HIVEP1: variants seen among roughly 807,000 people sequenced by gnomAD.
HIVEP1 encodes zinc finger protein 40.
HIVEP1 carries 36 observed loss-of-function variants against 180.0 expected under a neutral mutation model. The observed-to-expected ratio is 0.20, with a 90% CI of 0.15 to 0.26. The LOEUF (loss-of-function observed/expected upper bound fraction) is 0.26. Among genes scored for constraint, HIVEP1 ranks in the 10% least tolerant of loss-of-function variants. HIVEP1 has a pLI of 1.00. For missense variants in HIVEP1, 3,143 were observed against 3,268.7 expected (o/e 0.96, Z 0.94); for synonymous variants, 1,239 against 1,239.0 (o/e 1.00, Z 0.00).
chr6:12,152,049 G>A (rs569635020), intron 7 of HIVEP1, among the ~76,000 whole-genome samples: 6 of 152,204 alleles, frequency 3.9e-5, no homozygotes, highest in South Asian at 2.1e-4. Flanking sequence ...CCAGCTACTC[G>A]GGAGGCTGAA....
At chr6:12,115,092 A>G (rs1346943080) in intron 3 of HIVEP1, among the ~76,000 whole-genome samples, 3 of 152,150 alleles carry the variant, frequency 2.0e-5, no homozygotes, top group Admixed American at 2.0e-4. Flanking sequence ...CATCCCTACT[A>G]CTTACCATAA....
chr6:12,021,789 C>T (rs967986516), intron 2 of HIVEP1, among the ~76,000 whole-genome samples: 23 of 152,092 alleles, frequency 1.5e-4, no homozygotes, highest in Non-Finnish European at 3.2e-4. Flanking sequence ...CCTCAGCCTC[C>T]GGAGTAGCTG....
chr6:12,207,342 T>C, the HIVEP1 span, among the ~76,000 whole-genome samples: 1 of 152,246 alleles, frequency 6.6e-6, no homozygotes, highest in South Asian at 2.1e-4. Context: ...ATTCATTTTT[T>C]AAATGTTTGT....
chr6:12,182,170 A>G, the HIVEP1 span, among the ~76,000 whole-genome samples: 1 of 152,240 alleles, frequency 6.6e-6, no homozygotes, highest in Non-Finnish European at 1.5e-5. Context: ...AAAAGAATTG[A>G]AGATGCCAAC....
intron 2 of HIVEP1, among the ~76,000 whole-genome samples, chr6:12,066,903 T>C (rs992262274): frequency 9.2e-5 from 14 of 151,886 alleles, no homozygotes; most frequent in Non-Finnish European, 1.8e-4. Flanking sequence ...TACACACACA[T>C]ACACTTTATT....
intron 2 of HIVEP1, among the ~76,000 whole-genome samples, chr6:12,032,589 C>A (rs931258445): frequency 6.6e-5 from 10 of 152,154 alleles, no homozygotes; most frequent in African/African-American, 2.4e-4. Context: ...GTTACTTAAT[C>A]TCTCTGAACC....
chr6:12,145,232 G>A (rs1220165209), intron 7 of HIVEP1, among the ~76,000 whole-genome samples: 1 of 152,088 alleles, frequency 6.6e-6, no homozygotes, highest in African/African-American at 2.4e-5. Context: ...CTTGGATGCA[G>A]CTGGAAATCA....
intron 2 of HIVEP1, among the ~76,000 whole-genome samples, chr6:12,026,048 A>G (rs1306557325): frequency 1.3e-5 from 2 of 152,108 alleles, no homozygotes; most frequent in African/African-American, 4.8e-5. Flanking sequence ...ATCAAAAAAA[A>G]AAAAAAGAAC....
At chr6:12,078,714 A>G (rs1456765667) in intron 2 of HIVEP1, among the ~76,000 whole-genome samples, 1 of 151,286 alleles carries the variant, frequency 6.6e-6, no homozygotes, top group African/African-American at 2.4e-5. Context: ...ATAAACACAC[A>G]CACACATATA....
intron 6 of HIVEP1, among the ~76,000 whole-genome samples, chr6:12,131,953 G>A (rs879407494): frequency 1.3e-5 from 2 of 151,938 alleles, no homozygotes; most frequent in Non-Finnish European, 2.9e-5. Context: ...GTATTTATGG[G>A]CATTTAAAGA....
intron 2 of HIVEP1, among the ~76,000 whole-genome samples, chr6:12,057,538 C>G (rs1770959727): frequency 6.6e-6 from 1 of 152,158 alleles, no homozygotes; most frequent in Admixed American, 6.5e-5. Context: ...ATAAGAGGAA[C>G]TTGAAGAGGT....
Position 12,124,222 on chromosome 6 carries a change from A to G in HIVEP1, c.4427A>G (p.Glu1476Gly). ...CAGCTCACTAGTACATCTTTAGCTG[A>G]GTTTTCTGCAAATACTTTGCACTCT... ...GPQLTSTSLA[E>G]FSANTLHSQT... The change falls in exon 4 of 9, where the codon GAG becomes GGG. Residue 1476 changes from glutamate (E) to glycine (G), a missense_variant. Transcript: ENST00000379388. 1 of 1,614,148 alleles carries G rather than the reference A, an allele frequency of 6.2e-7. No homozygotes were observed. The highest frequency in any genetic ancestry group is 1.1e-5 in the South Asian group (1 of 91,078).
chr6:12,130,932 T>C lies in HIVEP1; in HGVS notation c.6375T>C (p.Phe2125=). 6.2e-7 allele frequency: 1 copy of C among 1,606,942 alleles called. No homozygotes were observed. Among genetic ancestry groups the C allele is most frequent in the Non-Finnish European group, 8.5e-7 (1 of 1,175,186 alleles). The change falls in exon 6 of 9, where the codon TTT becomes TTC. Residue 2125 remains phenylalanine, a synonymous_variant. Transcript: ENST00000379388. ...PYHCTYCNFS[F]KTKGNLTKHM... is the part of the protein sequence containing the mutation. ...ACTGCACTTACTGTAACTTCTCCTT[T>C]AAGACTAAAGGTATGAGATGCACAT...
the HIVEP1 span, among the ~76,000 whole-genome samples, chr6:12,207,449 A>G: frequency 1.3e-5 from 2 of 152,084 alleles, no homozygotes; most frequent in African/African-American, 4.8e-5. Context: ...TAAATTCCCT[A>G]TGTTAATAAT....
At chr6:12,076,073 T>C (rs1157844596) in intron 2 of HIVEP1, among the ~76,000 whole-genome samples, 1 of 152,162 alleles carries the variant, frequency 6.6e-6, no homozygotes, top group Non-Finnish European at 1.5e-5. Flanking sequence ...TTGCAGGTTA[T>C]TTTTGAAAGG....
intron 2 of HIVEP1, among the ~76,000 whole-genome samples, chr6:12,069,479 G>A (rs1771820120): frequency 6.7e-6 from 1 of 149,468 alleles, no homozygotes; most frequent in African/African-American, 2.5e-5. Flanking sequence ...TTAAAAAATT[G>A]TGTTAGTACG....
Position 12,122,527 on chromosome 6 carries a change from A to C in HIVEP1, c.2732A>C (p.His911Pro), listed in dbSNP as rs1757740814. ...AIEDSSANES[H>P]VLGTGQSLDE... The stretch of plus-strand genomic sequence containing the variant: ...GAAGACTCTTCAGCAAATGAAAGTC[A>C]TGTTCTTGGTACTGGACAGTCCCTG... Residue 911 changes from histidine to proline, a missense_variant, in exon 4 of 9, where the codon CAT (histidine) becomes CCT (proline). Transcript: ENST00000379388. 6.2e-7 allele frequency: 1 copy of C among 1,614,212 alleles called. No individual in the cohort carries two copies. The highest frequency in any genetic ancestry group is 8.5e-7 in the Non-Finnish European group (1 of 1,180,034).
At chr6:12,071,127 T>C (rs1198602464) in intron 2 of HIVEP1, among the ~76,000 whole-genome samples, 1 of 152,242 alleles carries the variant, frequency 6.6e-6, no homozygotes, top group Non-Finnish European at 1.5e-5. Context: ...TGTTCCAAAT[T>C]CATTGTTATG....
At chr6:12,070,317 G>A (rs1425543413) in intron 2 of HIVEP1, among the ~76,000 whole-genome samples, 1 of 152,180 alleles carries the variant, frequency 6.6e-6, no homozygotes, top group Non-Finnish European at 1.5e-5. Flanking sequence ...CAGTGGGTTT[G>A]TTTACACCAG....
Sources: allele counts gnomAD v4.1 joint callset (sites outside exome capture counted in the v4.1 genomes callset), GRCh38; gene constraint gnomAD v4.1.1; transcripts MANE v1.5; gene names NCBI Gene and HGNC (gene_info 2026-07-23, HGNC 2026-07-21).